LDLRAD3: variants seen among roughly 807,000 people sequenced by gnomAD.
LDLRAD3 encodes the protein low density lipoprotein receptor class A domain containing 3, also known as low-density lipoprotein receptor class A domain-containing protein 3.
In LDLRAD3, 20 loss-of-function variants were observed where a neutral mutation model predicts 29.4. The ratio of observed to expected loss-of-function variants is 0.68; its 90% CI spans 0.48 to 0.99. The LOEUF is 0.99. Ranked by LOEUF, LDLRAD3 falls within the 50% of genes least tolerant of loss-of-function variation. LDLRAD3 has a pLI of 0.00. For missense variants in LDLRAD3, 420 were observed against 454.3 expected (o/e 0.92, Z 0.69); for synonymous variants, 157 against 192.7 (o/e 0.81, Z 1.53).
At chr11:36,116,940 CAA>C (rs1853683535) in intron 4 of LDLRAD3, among the ~76,000 whole-genome samples, 1 of 151,258 alleles carries the variant, frequency 6.6e-6, no homozygotes, top group African/African-American at 2.4e-5. Flanking sequence ...CTCCCGGGTT[CAA>C]CCAATTCTCG....
intron 4 of LDLRAD3, among the ~76,000 whole-genome samples, chr11:36,143,948 C>G (rs566869043): frequency 7.0e-6 from 1 of 142,722 alleles, no homozygotes; most frequent in African/African-American, 2.7e-5. Context: ...CTCCCCCTCC[C>G]TCTCTTGCCA....
intron 1 of LDLRAD3, among the ~76,000 whole-genome samples, chr11:35,956,822 G>A (rs1436679713): frequency 6.6e-6 from 1 of 151,992 alleles, no homozygotes; most frequent in East Asian, 1.9e-4. Context: ...TGCAAGCTCT[G>A]CCTCCCGGGT....
chr11:36,230,567 A>G lies in LDLRAD3; in HGVS notation c.*1170A>G, dbSNP rs967574479. The stretch of plus-strand genomic sequence containing the variant: ...GGGTCAGGGTCAGGCCTCTCCCAAC[A>G]TCCCAGTAGTTTCTCCTCTGAGACA... On this transcript the variant is annotated 3_prime_UTR_variant, in exon 6 of 6. Transcript: ENST00000315571. The G allele has an allele frequency of 6.6e-6, 1 of 152,638 alleles. No homozygotes were observed. The highest frequency in any genetic ancestry group is 2.4e-5 in the African/African-American group (1 of 41,440). 9.5% of individuals were successfully genotyped at this position (152,638 alleles called of 1,614,324 possible).
intron 4 of LDLRAD3, among the ~76,000 whole-genome samples, chr11:36,199,754 C>A (rs1855095392): frequency 1.3e-5 from 2 of 152,182 alleles, no homozygotes. Flanking sequence ...CTTATATTTT[C>A]CTTTATATTC....
At chr11:36,189,120 A>ACTG (rs1323397869) in intron 4 of LDLRAD3, among the ~76,000 whole-genome samples, 1 of 152,194 alleles carries the variant, frequency 6.6e-6, no homozygotes, top group Non-Finnish European at 1.5e-5. Context: ...TGCAACCATC[A>ACTG]CTGCATTGTC....
intron 1 of LDLRAD3, among the ~76,000 whole-genome samples, chr11:35,998,094 A>T (rs971184748): frequency 1.3e-5 from 2 of 151,208 alleles, no homozygotes; most frequent in Non-Finnish European, 2.9e-5. Context: ...TTAACATGGG[A>T]CTCCCCCAGG....
chr11:36,177,003 C>G (rs1237073396), intron 4 of LDLRAD3, among the ~76,000 whole-genome samples: 3 of 151,852 alleles, frequency 2.0e-5, no homozygotes, highest in Admixed American at 6.6e-5. Context: ...GGGCTTTGTT[C>G]AATTTTTTTT....
chr11:35,971,449 T>A (rs1851411564), intron 1 of LDLRAD3, among the ~76,000 whole-genome samples: 1 of 152,228 alleles, frequency 6.6e-6, no homozygotes, highest in South Asian at 2.1e-4. Context: ...GGATAGGCTG[T>A]AGCCCAGTTT....
chr11:36,180,459 A>T (rs1031056419), intron 4 of LDLRAD3, among the ~76,000 whole-genome samples: 1 of 152,156 alleles, frequency 6.6e-6, no homozygotes, highest in South Asian at 2.1e-4. Flanking sequence ...GGCACTGTAC[A>T]TGTAGAAGTA....
chr11:36,183,938 G>C (rs1854804825), intron 4 of LDLRAD3: 3 of 282,026 alleles, frequency 1.1e-5, no homozygotes, highest in Non-Finnish European at 2.1e-5. Flanking sequence ...TGTTCTATTT[G>C]GTTCTTTTTC....
chr11:36,075,441 C>A (rs1251467445), intron 2 of LDLRAD3, among the ~76,000 whole-genome samples: 1 of 152,156 alleles, frequency 6.6e-6, no homozygotes, highest in Non-Finnish European at 1.5e-5. Context: ...TGGTGTATCT[C>A]ATTACTGATG....
chr11:36,069,142 A>G (rs1206744299), intron 2 of LDLRAD3, among the ~76,000 whole-genome samples: 3 of 152,212 alleles, frequency 2.0e-5, no homozygotes, highest in Non-Finnish European at 1.5e-5. Context: ...CAACAAGCAA[A>G]GGACTTTTTG....
At chr11:35,950,287 C>T (rs924585583) in intron 1 of LDLRAD3, among the ~76,000 whole-genome samples, 1 of 152,126 alleles carries the variant, frequency 6.6e-6, no homozygotes, top group African/African-American at 2.4e-5. Context: ...ATGGGTACTG[C>T]GTCTTCAGGG....
At chr11:35,947,993 C>T (rs928940757) in intron 1 of LDLRAD3, among the ~76,000 whole-genome samples, 2 of 152,094 alleles carry the variant, frequency 1.3e-5, no homozygotes, top group Non-Finnish European at 2.9e-5. Flanking sequence ...ACATCTCAAT[C>T]CTTATGTGAA....
At chr11:35,996,017 T>C (rs549172786) in intron 1 of LDLRAD3, among the ~76,000 whole-genome samples, 2 of 152,352 alleles carry the variant, frequency 1.3e-5, no homozygotes, top group South Asian at 2.1e-4. Flanking sequence ...TGCTTTCTTA[T>C]CATTTGTGTG....
chr11:35,982,295 T>C (rs1397833538), intron 1 of LDLRAD3, among the ~76,000 whole-genome samples: 1 of 152,160 alleles, frequency 6.6e-6, no homozygotes, highest in African/African-American at 2.4e-5. Flanking sequence ...CCTTGGTCTC[T>C]GCCTTCGTCG....
intron 2 of LDLRAD3, among the ~76,000 whole-genome samples, chr11:36,070,396 A>G (rs894214334): frequency 6.6e-6 from 1 of 152,186 alleles, no homozygotes; most frequent in Non-Finnish European, 1.5e-5. Flanking sequence ...TTGCACACAA[A>G]TGGGGAAGAA....
At chr11:36,053,534 C>G (rs569843305) in intron 2 of LDLRAD3, among the ~76,000 whole-genome samples, 2 of 152,220 alleles carry the variant, frequency 1.3e-5, no homozygotes, top group Non-Finnish European at 2.9e-5. Flanking sequence ...GCCACCTGTC[C>G]AAGAAATAAA....
At chr11:36,165,960 CCCTCCCTCCCTCCCTCCCTT>C (rs889526236) in intron 4 of LDLRAD3, among the ~76,000 whole-genome samples, 2 of 102,308 alleles carry the variant, frequency 2.0e-5, no homozygotes, top group African/African-American at 8.7e-5. Flanking sequence ...CTCCCTCCCT[CCCTCCCTCCCTCCCTCCCTT>C]CCTTCCTTCC....
Sources: gnomAD v4.1 joint callset for allele counts (sites outside exome capture counted in the v4.1 genomes callset) on GRCh38, gnomAD v4.1.1 for gene constraint, MANE v1.5 for transcripts, NCBI Gene and HGNC (gene_info 2026-07-23, HGNC 2026-07-21) for gene names.